Variants in WDPCP observed in about 807,000 individuals in gnomAD.
WDPCP encodes the protein WD repeat containing planar cell polarity effector.
Under a neutral mutation model 93.1 loss-of-function variants are expected in WDPCP, and 71 were observed. That is an observed-to-expected ratio of 0.76 (90% CI 0.63 to 0.93). The LOEUF (loss-of-function observed/expected upper bound fraction) is 0.93, where lower values mean the gene tolerates loss of function less well. WDPCP is among the 40% of genes least tolerant of loss of function. The pLI is 0.00. For synonymous variants in WDPCP, 315 were observed against 315.0 expected (o/e 1.00, Z 0.00); for missense variants, 844 against 887.4 (o/e 0.95, Z 0.62).
At chr2:63,750,194 T>C (rs948532333) in intron 2 of WDPCP, among the ~76,000 whole-genome samples, 13 of 152,090 alleles carry the variant, frequency 8.5e-5, no homozygotes, top group Non-Finnish European at 1.9e-4. Flanking sequence ...GGCATCAGAA[T>C]GGATGAGAGA....
intron 14 of WDPCP, among the ~76,000 whole-genome samples, chr2:63,209,177 T>C (rs1204607185): frequency 6.6e-6 from 1 of 152,176 alleles, no homozygotes; most frequent in Admixed American, 6.5e-5. Flanking sequence ...TGCCTCTAAT[T>C]ATTTTACTTT....
chr2:63,588,596 C>T (rs1709048176), upstream of WDPCP: 6 of 518,144 alleles, frequency 1.2e-5, no homozygotes, highest in Non-Finnish European at 3.5e-6. Context: ...TGGGAGGATG[C>T]AGTCTCAGTC....
At chr2:63,168,729 C>T (rs932155528) in intron 15 of WDPCP, 2 of 152,196 alleles carry the variant, frequency 1.3e-5, no homozygotes, top group African/African-American at 4.8e-5. Flanking sequence ...TGAGGACCAC[C>T]AGGTTGCATA....
Position 63,121,380 on chromosome 2 carries a change from CTTTT to C in WDPCP, c.*622_*625del, listed in dbSNP as rs139878372. 1.1e-4 allele frequency: 10 copies of C among 87,310 alleles called. No homozygotes were observed. Among genetic ancestry groups the C allele is most frequent in the Non-Finnish European group, 1.6e-4 (7 of 44,316 alleles). 5.4% of individuals were successfully genotyped at this position (87,310 alleles called of 1,614,324 possible). ...AGGACTTTCTTTCTTTCTTTTCTTT[CTTTT>C]TTTTTTTTTTTTTTTTTGGAGACAG... On this transcript the variant is annotated 3_prime_UTR_variant, in exon 18 of 18. Transcript: ENST00000272321.
chr2:63,570,069 G>A (rs1707366132), intron 1 of WDPCP, among the ~76,000 whole-genome samples: 1 of 152,124 alleles, frequency 6.6e-6, no homozygotes, highest in Non-Finnish European at 1.5e-5. Flanking sequence ...AGAAATAACT[G>A]GGTGCTGAGA....
intron 2 of WDPCP, among the ~76,000 whole-genome samples, chr2:63,794,007 A>G (rs1232591112): frequency 6.6e-6 from 1 of 152,140 alleles, no homozygotes; most frequent in African/African-American, 2.4e-5. Context: ...AAAGACAACT[A>G]TTGAATCATA....
At chr2:63,606,784 T>C in intron 3 of WDPCP, 1 of 1,112,880 alleles carries the variant, frequency 9.0e-7, no homozygotes, top group South Asian at 1.9e-5. Flanking sequence ...TACCTCTAAA[T>C]ATAAGTTCAA....
At chr2:63,511,573 G>C (rs1702234685) in intron 1 of WDPCP, among the ~76,000 whole-genome samples, 1 of 152,198 alleles carries the variant, frequency 6.6e-6, no homozygotes, top group Non-Finnish European at 1.5e-5. Context: ...GAACAGAACA[G>C]AGGCCTCAGA....
intron 1 of WDPCP, among the ~76,000 whole-genome samples, chr2:63,587,774 G>A (rs937712005): frequency 1.3e-5 from 2 of 152,328 alleles, no homozygotes; most frequent in East Asian, 1.9e-4. Context: ...TCAGTCGCCA[G>A]TCTTTCCTTA....
At chr2:63,622,081 TTTTG>T in intron 3 of WDPCP, 9 of 1,104,496 alleles carry the variant, frequency 8.1e-6, no homozygotes, top group South Asian at 7.5e-5. Flanking sequence ...TTTTTTTTTT[TTTTG>T]GAAGTTGATT....
At chr2:63,780,178 CA>C (rs1316718454) in intron 2 of WDPCP, among the ~76,000 whole-genome samples, 1 of 152,162 alleles carries the variant, frequency 6.6e-6, no homozygotes, top group Non-Finnish European at 1.5e-5. Flanking sequence ...CAGCTATGCA[CA>C]GCTGTTTATT....
At chr2:63,530,549 T>A (rs965314635) in intron 1 of WDPCP, among the ~76,000 whole-genome samples, 1 of 152,188 alleles carries the variant, frequency 6.6e-6, no homozygotes, top group Non-Finnish European at 1.5e-5. Flanking sequence ...GCCCTTTTCA[T>A]GTCACTTTAA....
chr2:63,758,445 T>A (rs866165520), intron 2 of WDPCP, among the ~76,000 whole-genome samples: 6 of 152,112 alleles, frequency 3.9e-5, no homozygotes, highest in Admixed American at 6.5e-5. Flanking sequence ...TTTTGTTTTG[T>A]TTTTGCTTTT....
At chr2:63,445,388 T>A (rs1697786951) in intron 6 of WDPCP, among the ~76,000 whole-genome samples, 1 of 152,210 alleles carries the variant, frequency 6.6e-6, no homozygotes. Flanking sequence ...ACAACGTACC[T>A]AGAAATCTGC....
At chr2:63,479,127 G>T (rs1700128251) in intron 6 of WDPCP, among the ~76,000 whole-genome samples, 1 of 151,702 alleles carries the variant, frequency 6.6e-6, no homozygotes, top group African/African-American at 2.4e-5. Flanking sequence ...AACCTTCCTA[G>T]ATTAAACCAG....
chr2:63,479,562 TA>T (rs1182969367), intron 6 of WDPCP, among the ~76,000 whole-genome samples: 2 of 152,134 alleles, frequency 1.3e-5, no homozygotes, highest in Non-Finnish European at 2.9e-5. Flanking sequence ...ATACACTGCA[TA>T]AACAGAATTA....
intron 2 of WDPCP, among the ~76,000 whole-genome samples, chr2:63,739,595 A>G (rs1362869518): frequency 6.6e-6 from 1 of 152,072 alleles, no homozygotes; most frequent in Non-Finnish European, 1.5e-5. Flanking sequence ...TCTTTGAGGA[A>G]TCACCACACT....
At chr2:63,723,109 C>CA (rs1368126517) in intron 2 of WDPCP, among the ~76,000 whole-genome samples, 1 of 151,680 alleles carries the variant, frequency 6.6e-6, no homozygotes, top group Non-Finnish European at 1.5e-5. Flanking sequence ...GAGTCATCAC[C>CA]ACTCCCTAAT....
At chr2:63,340,448 T>C (rs1038150876) in intron 12 of WDPCP, among the ~76,000 whole-genome samples, 1 of 152,202 alleles carries the variant, frequency 6.6e-6, no homozygotes, top group Non-Finnish European at 1.5e-5. Flanking sequence ...TAGTCCTGCC[T>C]ACCTACTCTG....
Sources: gnomAD v4.1 joint callset for allele counts (sites outside exome capture counted in the v4.1 genomes callset) on GRCh38, gnomAD v4.1.1 for gene constraint, MANE v1.5 for transcripts, NCBI Gene and HGNC (gene_info 2026-07-23, HGNC 2026-07-21) for gene names.